Variants in APLP1 observed in about 807,000 individuals in gnomAD.
The protein encoded by APLP1 is amyloid beta precursor like protein 1, also known as amyloid beta (A4) precursor-like protein 1.
In APLP1, 46 loss-of-function variants were observed where a neutral mutation model predicts 84.5. The ratio of observed to expected loss-of-function variants is 0.54; its 90% CI spans 0.43 to 0.70. The LOEUF (loss-of-function observed/expected upper bound fraction) is 0.70, where lower values mean the gene tolerates loss of function less well. Ranked by LOEUF, APLP1 falls within the 30% of genes least tolerant of loss-of-function variation. The pLI is 0.00. For synonymous variants in APLP1, 376 were observed against 364.0 expected, an observed-to-expected ratio of 1.03 and a Z score of -0.38; for missense variants, 826 against 900.2, an observed-to-expected ratio of 0.92 and a Z score of 1.05.
At chr19:35,869,932 C>A in intron 2 of APLP1, 122 bp downstream of exon 2, 1 of 1,278,826 alleles carries the variant, frequency 7.8e-7, no homozygotes, top group Non-Finnish European at 1.1e-6. Context: ...AATAAAGAGG[C>A]GCAACTATGC....
In APLP1 at chr19:35,874,373, C is replaced by A; in HGVS notation, c.1057-131C>A. The A allele has an allele frequency of 8.8e-7, 1 of 1,142,336 alleles. No homozygotes were observed. 70.8% of individuals were successfully genotyped at this position (1,142,336 alleles called of 1,614,324 possible). A position where few individuals can be genotyped will look rare whatever the true frequency, so the allele number is the denominator to read the frequency against. On this transcript the variant is annotated intron_variant, in intron 8 of 16. Coordinates refer to ENST00000221891, the MANE Select transcript of APLP1 (RefSeq NM_001024807.3). The surrounding 1 kb of genome is among the most constrained non-coding windows in gnomAD (Gnocchi z 6.4). ...TAGCCCACCCCTTCCAGTCCATAAC[C>A]TTTGGTTCTGCCCAGGCCTGGACCC...
In APLP1 at chr19:35,874,613, G is replaced by T; in HGVS notation, c.1166G>T (p.Arg389Leu). 1.2e-6 allele frequency: 2 copies of T among 1,613,858 alleles called. No homozygotes were observed. The highest frequency in any genetic ancestry group is 1.3e-5 in the African/African-American group (1 of 75,064). ...RVIALINDQRRAALEGFLAAL... is the reference protein window; with the variant it reads ...RVIALINDQRLAALEGFLAAL... Reference sequence around the variant, plus strand: ...ATCGCCCTTATCAACGACCAGCGCCGGGCTGCCTTGGAGGGCTTCCTGGCA... The same window carrying T: ...ATCGCCCTTATCAACGACCAGCGCCTGGCTGCCTTGGAGGGCTTCCTGGCA... The change falls in exon 9 of 17, where the codon CGG (arginine) becomes CTG (leucine). Residue 389 changes from arginine to leucine, a missense_variant. By Grantham distance (102) the Arg-to-Leu change is moderately radical. Transcript: ENST00000221891. The surrounding 1 kb of genome is among the most constrained non-coding windows in gnomAD (Gnocchi z 6.4).
intron 1 of APLP1, 80 bp from the exon 2 acceptor site, chr19:35,869,587 C>A: frequency 6.4e-7 from 1 of 1,559,068 alleles, no homozygotes; most frequent in South Asian, 1.2e-5. Context: ...CTGGGGGTCT[C>A]GGTCCTAGGG....
intron 6 of APLP1, 140 bp downstream of exon 6, chr19:35,872,176 TA>T (rs939205168): frequency 1.7e-6 from 2 of 1,189,830 alleles, no homozygotes; most frequent in Non-Finnish European, 2.3e-6. Context: ...TATCTTTGGA[TA>T]AAATAGAAGT....
Position 35,879,333 on chromosome 19 carries a change from C to T in APLP1, c.1858-10C>T, listed in dbSNP as rs1188770859. ...ACCACACTGTCCTTTCCCTCCCCTG[C>T]TCGTTGCAGGTGGACCCCATGCTGA... On this transcript the variant is annotated splice_polypyrimidine_tract_variant and intron_variant, in intron 16 of 16. Transcript: ENST00000221891. 2.5e-6 allele frequency: 4 copies of T among 1,613,768 alleles called. No homozygotes were observed. The Admixed American group carries it at 6.7e-5, about 27-fold the overall frequency.
rs1366602503 is a variant in APLP1 at position 35,879,720 on chromosome 19, T to C, written c.*279T>C. 8 of 440,650 alleles carry C rather than the reference T, an allele frequency of 1.8e-5. No individual in the cohort carries two copies. The highest frequency in any genetic ancestry group is 3.2e-5 in the Non-Finnish European group (8 of 246,860). 27.3% of individuals were successfully genotyped at this position (440,650 alleles called of 1,614,324 possible). ...TTTAAGGTGACCGCCACCTTGGTCC[T>C]AGTGTCTATTCCCTGGAATTCACCC... On this transcript the variant is annotated 3_prime_UTR_variant, in exon 17 of 17. Transcript: ENST00000221891.
chr19:35,872,695 C>A, intron 7 of APLP1, 82 bp downstream of exon 7: 1 of 1,487,260 alleles, frequency 6.7e-7, no homozygotes, highest in South Asian at 1.3e-5. Context: ...CACATTGATA[C>A]TACCTCCAAA....
chr19:35,871,822 G>T, intron 5 of APLP1, 36 bp from the exon 6 acceptor site: 1 of 1,612,962 alleles, frequency 6.2e-7, no homozygotes, highest in African/African-American at 1.3e-5. Flanking sequence ...CCCAGGCCTG[G>T]GTTCTTACTG....
chr19:35,877,799 G>A lies in APLP1; in HGVS notation c.1526G>A (p.Gly509Glu), dbSNP rs776252228. 1.2e-6 allele frequency: 2 copies of A among 1,610,628 alleles called. No homozygotes were observed. Among genetic ancestry groups the A allele is most frequent in the African/African-American group, 2.7e-5 (2 of 74,624 alleles). Residue 509 changes from glycine to glutamate, a missense_variant, in exon 12 of 17, where the codon GGG becomes GAG. Physicochemically the swap from Gly to Glu is moderately conservative, Grantham distance 98. Transcript: ENST00000221891. The stretch of plus-strand genomic sequence containing the variant: ...GGGGGCAGCAGCGAGGACAAGGGTG[G>A]GCTGCAGCCTCCAGATTCCAAGGAT... The part of the protein sequence containing the change: ...APGGSSEDKG[G>E]LQPPDSKDAD...
intron 6 of APLP1, among the ~76,000 whole-genome samples, 186 bp downstream of exon 6, chr19:35,872,222 G>A (rs570053004): frequency 2.0e-5 from 3 of 152,186 alleles, no homozygotes; most frequent in African/African-American, 7.2e-5. Flanking sequence ...GGGGTGGTTT[G>A]GGGGTACTTG....
rs1221936588 is a variant in APLP1 at position 35,874,922 on chromosome 19, G to A, written c.1344+53G>A. The A allele has an allele frequency of 6.3e-6, 10 of 1,583,056 alleles. No homozygotes were observed. The highest frequency in any genetic ancestry group is 1.3e-5 in the African/African-American group (1 of 74,490). Reference sequence around the variant, plus strand: ...GCGCCGCTATTCCTCAGACGCCCGCGCCTCAGGCTCTTCTCTTGTCCCTTA... The same window carrying A: ...GCGCCGCTATTCCTCAGACGCCCGCACCTCAGGCTCTTCTCTTGTCCCTTA... On this transcript the variant is annotated intron_variant, in intron 10 of 16. Coordinates refer to ENST00000221891, the MANE Select transcript of APLP1 (RefSeq NM_001024807.3). The surrounding 1 kb of genome is among the most constrained non-coding windows in gnomAD (Gnocchi z 6.4).
chr19:35,869,118 A>T, intron 1 of APLP1: 1 of 289,672 alleles, frequency 3.5e-6, no homozygotes, highest in Admixed American at 5.3e-5. Context: ...TAGATCCAAT[A>T]ATCCAGACCC....
rs956358478 is a variant in APLP1, at chr19:35,871,226, T to C, written c.425-11T>C. 1.9e-6 allele frequency: 3 copies of C among 1,611,762 alleles called. No homozygotes were observed. In the Admixed American group the frequency reaches 5.0e-5, roughly 27 times the overall value. On this transcript the variant is annotated splice_polypyrimidine_tract_variant and intron_variant, in intron 3 of 16. Coordinates refer to ENST00000221891, the MANE Select transcript of APLP1 (RefSeq NM_001024807.3). ...AGGAGGATCTCACCCTGGTGTCCCG[T>C]GCTTCCCCAGCTGGTGAATTTGTGA... is the stretch of plus-strand genomic sequence containing the variant.
intron 7 of APLP1, 125 bp from the exon 8 acceptor site, chr19:35,873,514 T>G (rs963070098): frequency 6.7e-6 from 6 of 895,132 alleles, no homozygotes; most frequent in Non-Finnish European, 1.1e-5. Flanking sequence ...CCCAAAGTGC[T>G]GGGATTACAG....
chr19:35,868,693 G>T lies in APLP1; in HGVS notation c.57G>T (p.Pro19=), dbSNP rs999802552. ...RGLSRRPGQP[P]LPLLLPLLLL... ...TAAGTCGCCGCCCGGGCCAGCCGCC[G>T]CTGCCGCTGCTGCTGCCACTATTGC... The change falls in exon 1 of 17, where the codon CCG becomes CCT. Residue 19 remains proline, a synonymous_variant. Coordinates refer to ENST00000221891, the MANE Select transcript of APLP1 (RefSeq NM_001024807.3). The surrounding 1 kb of genome is among the most constrained non-coding windows in gnomAD (Gnocchi z 5.2). 2 of 1,412,064 alleles carry T rather than the reference G, an allele frequency of 1.4e-6. No individual in the cohort carries two copies. The highest frequency in any genetic ancestry group is 1.8e-6 in the Non-Finnish European group (2 of 1,086,964). The allele number at this position is 1,412,064 out of a possible 1,614,324, so 87.5% of individuals were successfully genotyped here.
intron 10 of APLP1, 110 bp from the exon 11 acceptor site, chr19:35,876,407 C>A: frequency 1.1e-6 from 1 of 896,612 alleles, no homozygotes; most frequent in Non-Finnish European, 1.8e-6. Context: ...CTGTCCATTG[C>A]ATGTGCCGCT....
In APLP1 at chr19:35,870,893, C is replaced by T. The variant is rs759681172; in HGVS notation, c.292-3C>T. ...GCTGATTGCCCCCATCTGATCCCCCCAGATGTACCCGGAGCTGCAGATTGC... is the reference window on the plus strand; with the variant it reads ...GCTGATTGCCCCCATCTGATCCCCCTAGATGTACCCGGAGCTGCAGATTGC... On this transcript the variant is annotated splice_polypyrimidine_tract_variant and splice_region_variant and intron_variant, in intron 2 of 16. Coordinates refer to ENST00000221891, the MANE Select transcript of APLP1 (RefSeq NM_001024807.3). The T allele has an allele frequency of 3.7e-6, 6 of 1,604,164 alleles. No individual in the cohort carries two copies. Among genetic ancestry groups the T allele is most frequent in the Middle Eastern group, 1.7e-4 (1 of 5,942 alleles).
intron 13 of APLP1, 136 bp downstream of exon 13, chr19:35,878,244 AC>A (rs1257161867): frequency 1.1e-5 from 11 of 998,752 alleles, no homozygotes; most frequent in Non-Finnish European, 1.7e-5. Context: ...CCTCCTCTGG[AC>A]CCTAAAGAAT....
intron 10 of APLP1, 111 bp from the exon 11 acceptor site, chr19:35,876,406 G>T (rs1974282115): frequency 1.2e-5 from 11 of 892,074 alleles, no homozygotes; most frequent in Non-Finnish European, 1.1e-5. Context: ...CCTGTCCATT[G>T]CATGTGCCGC....
Sources: allele counts gnomAD v4.1 joint callset (sites outside exome capture counted in the v4.1 genomes callset), GRCh38; gene constraint gnomAD v4.1.1; non-coding constraint Gnocchi (gnomAD v3.1); transcripts MANE v1.5; gene names NCBI Gene and HGNC (gene_info 2026-07-23, HGNC 2026-07-21).